Variants in PPP1R9A observed in about 807,000 individuals in gnomAD.
The protein encoded by PPP1R9A is protein phosphatase 1 regulatory subunit 9A, also known as neurabin-1.
PPP1R9A carries 59 observed loss-of-function variants against 141.9 expected under a neutral mutation model. The ratio of observed to expected loss-of-function variants is 0.42; its 90% CI spans 0.34 to 0.52. The LOEUF (loss-of-function observed/expected upper bound fraction) is 0.52. Ranked by LOEUF, PPP1R9A falls within the 20% of genes least tolerant of loss-of-function variation. The probability of loss-of-function intolerance (pLI) is 0.10; values close to 1 mark genes in which losing one functional copy is unlikely to be tolerated. For missense variants in PPP1R9A, 1,444 were observed against 1,611.9 expected, an observed-to-expected ratio of 0.90 and a Z score of 1.78; for synonymous variants, 500 against 569.7, an observed-to-expected ratio of 0.88 and a Z score of 1.74.
chr7:94,967,014 G>A (rs932752248), intron 2 of PPP1R9A, among the ~76,000 whole-genome samples: 2 of 152,114 alleles, frequency 1.3e-5, no homozygotes, highest in South Asian at 2.1e-4. Flanking sequence ...TCTATTCAGG[G>A]ATTCGAATTC....
At chr7:95,247,104 C>T (rs1798222330) in intron 8 of PPP1R9A, among the ~76,000 whole-genome samples, 1 of 152,166 alleles carries the variant, frequency 6.6e-6, no homozygotes, top group Admixed American at 6.5e-5. Context: ...AATTAAATCA[C>T]ACTATCAGCT....
Position 95,120,703 on chromosome 7 carries a change from T to A in PPP1R9A, c.1529-9T>A. ...TGTTTCACCTCCCCCCTTTTTTTCT[T>A]TTTAATAGATGAGGATGGTCTTGGT... On this transcript the variant is annotated splice_polypyrimidine_tract_variant and intron_variant, in intron 3 of 19. Transcript: ENST00000433360. 2 of 1,608,684 alleles carry A rather than the reference T, an allele frequency of 1.2e-6. No individual in the cohort carries two copies. Among genetic ancestry groups the A allele is most frequent in the Non-Finnish European group, 1.7e-6 (2 of 1,177,838 alleles).
chr7:95,206,571 A>G (rs1790839304), intron 7 of PPP1R9A, among the ~76,000 whole-genome samples: 1 of 152,198 alleles, frequency 6.6e-6, no homozygotes, highest in African/African-American at 2.4e-5. Context: ...ATTACCTCAA[A>G]TAGTTACCTT....
chr7:95,037,907 C>A (rs1047215591), intron 2 of PPP1R9A, among the ~76,000 whole-genome samples: 1 of 150,744 alleles, frequency 6.6e-6, no homozygotes, highest in East Asian at 2.0e-4. Context: ...GAGTTTGAGA[C>A]CAGCCTGGGC....
intron 3 of PPP1R9A, among the ~76,000 whole-genome samples, chr7:95,113,523 C>T (rs1041303677): frequency 6.6e-6 from 1 of 152,064 alleles, no homozygotes; most frequent in Admixed American, 6.6e-5. Context: ...AAATTCCAGG[C>T]CAAAAAATAC....
intron 7 of PPP1R9A, among the ~76,000 whole-genome samples, chr7:95,216,880 G>A (rs895416633): frequency 1.3e-5 from 2 of 152,074 alleles, no homozygotes; most frequent in Non-Finnish European, 2.9e-5. Flanking sequence ...GAGACGATGG[G>A]GTTTTCTAAA....
intron 5 of PPP1R9A, among the ~76,000 whole-genome samples, chr7:95,171,596 T>C (rs1832124843): frequency 6.6e-6 from 1 of 151,620 alleles, no homozygotes. Context: ...GACTAAATGG[T>C]TAAATTTTAT....
At chr7:94,998,806 C>T (rs142560137) in intron 2 of PPP1R9A, among the ~76,000 whole-genome samples, 1 of 152,058 alleles carries the variant, frequency 6.6e-6, no homozygotes, top group Non-Finnish European at 1.5e-5. Flanking sequence ...ACTCTGTCAC[C>T]CAGGTTGGGG....
At chr7:95,103,254 C>T (rs955215785) in intron 2 of PPP1R9A, among the ~76,000 whole-genome samples, 1 of 150,340 alleles carries the variant, frequency 6.7e-6, no homozygotes, top group East Asian at 1.9e-4. Flanking sequence ...GATATTAATT[C>T]TATTTTTCTG....
intron 2 of PPP1R9A, among the ~76,000 whole-genome samples, chr7:94,957,867 GACTA>G (rs1797232085): frequency 6.6e-6 from 1 of 151,918 alleles, no homozygotes; most frequent in Non-Finnish European, 1.5e-5. Flanking sequence ...TTCTACCTTT[GACTA>G]ACTAGTTATG....
At chr7:95,172,646 G>A (rs1003791203) in intron 5 of PPP1R9A, among the ~76,000 whole-genome samples, 1 of 151,634 alleles carries the variant, frequency 6.6e-6, no homozygotes, top group South Asian at 2.1e-4. Context: ...TTTAAATGAG[G>A]GAAGAAGTAG....
At chr7:95,047,160 G>A (rs1026739823) in intron 2 of PPP1R9A, among the ~76,000 whole-genome samples, 2 of 152,142 alleles carry the variant, frequency 1.3e-5, no homozygotes, top group African/African-American at 4.8e-5. Flanking sequence ...GCGTTGTGGT[G>A]GTTCCAGCCC....
intron 2 of PPP1R9A, among the ~76,000 whole-genome samples, chr7:95,023,182 C>T (rs996638383): frequency 8.6e-5 from 13 of 152,032 alleles, no homozygotes; most frequent in Admixed American, 3.9e-4. Flanking sequence ...TTCAGTGATT[C>T]GAATTCTTCC....
chr7:95,221,559 G>A (rs962972117), intron 7 of PPP1R9A, among the ~76,000 whole-genome samples: 1 of 151,886 alleles, frequency 6.6e-6, no homozygotes, highest in African/African-American at 2.4e-5. Flanking sequence ...ACAACCTGTT[G>A]GTTGTACTTG....
chr7:95,049,728 C>T (rs769149732), intron 2 of PPP1R9A, among the ~76,000 whole-genome samples: 2 of 152,156 alleles, frequency 1.3e-5, no homozygotes, highest in Admixed American at 1.3e-4. Flanking sequence ...TACTGTCTCC[C>T]TACATTTTGC....
intron 2 of PPP1R9A, among the ~76,000 whole-genome samples, chr7:94,939,285 AT>A (rs199686620): frequency 0.024 from 3,644 of 152,224 alleles, 159 homozygotes; most frequent in African/African-American, 0.083. Context: ...ACTTAAAAGC[AT>A]TATTATTTAC....
At chr7:95,240,533 AT>A (rs1797301352) in intron 8 of PPP1R9A, among the ~76,000 whole-genome samples, 1 of 150,266 alleles carries the variant, frequency 6.7e-6, no homozygotes, top group South Asian at 2.1e-4. Context: ...CAGTGATTTT[AT>A]TTTTTATAGC....
chr7:95,180,585 C>G (rs1323129935), intron 5 of PPP1R9A, among the ~76,000 whole-genome samples: 2 of 152,062 alleles, frequency 1.3e-5, no homozygotes, highest in Non-Finnish European at 2.9e-5. Context: ...GCAGAGTAAA[C>G]AGACAACCCA....
chr7:95,096,207 C>G (rs1817995936), intron 2 of PPP1R9A, among the ~76,000 whole-genome samples: 1 of 152,058 alleles, frequency 6.6e-6, no homozygotes, highest in Non-Finnish European at 1.5e-5. Context: ...CATAATTTCA[C>G]CCTAAAAATG....
Sources: gnomAD v4.1 joint callset for allele counts (sites outside exome capture counted in the v4.1 genomes callset) on GRCh38, gnomAD v4.1.1 for gene constraint, MANE v1.5 for transcripts, NCBI Gene and HGNC (gene_info 2026-07-23, HGNC 2026-07-21) for gene names.